DNAH7: variants seen among roughly 807,000 people sequenced by gnomAD.
The protein encoded by DNAH7 is dynein axonemal heavy chain 7, also known as axonemal beta dynein heavy chain 7.
DNAH7 carries 397 observed loss-of-function variants against 444.6 expected under a neutral mutation model. The observed-to-expected ratio is 0.89, with a 90% CI of 0.82 to 0.97. DNAH7 has a LOEUF of 0.97. DNAH7 is among the 50% of genes least tolerant of loss of function. The pLI is 0.00. For synonymous variants in DNAH7, 1,636 were observed against 1,624.4 expected (o/e 1.01, Z -0.17); for missense variants, 4,902 against 4,800.8 (o/e 1.02, Z -0.62).
chr2:195,881,908 CA>C lies in DNAH7; in HGVS notation c.5847del (p.Ile1949MetfsTer13), dbSNP rs1385886438. 7 of 1,613,846 alleles carry C rather than the reference CA, an allele frequency of 4.3e-6. No homozygotes were observed. The African/African-American group carries it at 9.3e-5, about 22-fold the overall frequency. On this transcript the variant is annotated frameshift_variant, in exon 36 of 65. Coordinates refer to ENST00000312428, the MANE Select transcript of DNAH7 (RefSeq NM_018897.3). LOFTEE classifies it high-confidence loss of function. ...IPKDVMFNEI[I>X]VPTLDTIRYS... ...TATCGAATTGTGTCCAGAGTTGGCA[CA>C]ATGATTTCATTAAACATTACATCTT...
At chr2:195,895,502 C>T (rs954558824) in intron 29 of DNAH7, among the ~76,000 whole-genome samples, 4 of 152,236 alleles carry the variant, frequency 2.6e-5, no homozygotes, top group East Asian at 1.9e-4. Flanking sequence ...TGCAGTGGCA[C>T]GATCATGGCT....
intron 48 of DNAH7, among the ~76,000 whole-genome samples, chr2:195,826,400 T>C (rs1418525157): frequency 6.6e-6 from 1 of 152,188 alleles, no homozygotes; most frequent in African/African-American, 2.4e-5. Context: ...GCAGATGAAA[T>C]AGGACAGGCA....
intron 40 of DNAH7, among the ~76,000 whole-genome samples, chr2:195,868,166 G>A (rs1490690999): frequency 1.4e-5 from 2 of 147,384 alleles, no homozygotes; most frequent in Non-Finnish European, 3.0e-5. Context: ...TGCGATCTCG[G>A]CTCACTGCAA....
intron 47 of DNAH7, among the ~76,000 whole-genome samples, chr2:195,843,830 T>C (rs1354299999): frequency 6.6e-6 from 1 of 152,086 alleles, no homozygotes; most frequent in Non-Finnish European, 1.5e-5. Flanking sequence ...GGCGCAGTGG[T>C]TTAGGCCTGT....
chr2:196,007,750 C>T (rs1694470505), intron 10 of DNAH7, among the ~76,000 whole-genome samples: 1 of 152,150 alleles, frequency 6.6e-6, no homozygotes, highest in African/African-American at 2.4e-5. Context: ...TAGGACCGGG[C>T]TTTGCTCCTC....
chr2:195,934,105 A>C (rs1403739641), intron 21 of DNAH7, among the ~76,000 whole-genome samples: 1 of 152,142 alleles, frequency 6.6e-6, no homozygotes, highest in Non-Finnish European at 1.5e-5. Context: ...GATTGAGCTC[A>C]CAGTATGTTT....
rs759200194 is a variant in DNAH7 at position 195,872,472 on chromosome 2, T to TA, written c.6414-4dup. On this transcript the variant is annotated splice_region_variant and splice_polypyrimidine_tract_variant and intron_variant, in intron 39 of 64. Transcript: ENST00000312428. ...GAAATTCATCTGGAAATTTATAACT[T>TA]AAAAATTTTTTAAATAAAAAGAAAG... 6.4e-7 allele frequency: 1 copy of TA among 1,565,858 alleles called. No homozygotes were observed. Among genetic ancestry groups the TA allele is most frequent in the African/African-American group, 1.4e-5 (1 of 73,060 alleles).
intron 9 of DNAH7, 53 bp downstream of exon 9, chr2:196,019,117 A>G (rs771895693): frequency 1.5e-4 from 200 of 1,370,044 alleles, no homozygotes; most frequent in Non-Finnish European, 1.8e-4. Context: ...AAGATATAGT[A>G]AAACAACTTC....
chr2:195,740,334 C>T (rs577367078), intron 64 of DNAH7, among the ~76,000 whole-genome samples: 1 of 152,230 alleles, frequency 6.6e-6, no homozygotes, highest in African/African-American at 2.4e-5. Flanking sequence ...AATATTAGCT[C>T]ATGCCTCAAC....
rs931417473 is a variant in DNAH7 at position 195,987,109 on chromosome 2, G to A, written c.1711C>T (p.Leu571Phe). ...TGATCTCTGAACATTTTAGCTAGAA[G>A]TTTCCCACAAATAATATCTGCTCGC... is the stretch of plus-strand genomic sequence containing the variant. ...VKRADIICGK[L>F]LAKMFRDHQE... Residue 571 changes from leucine (L) to phenylalanine (F), a missense_variant, in exon 14 of 65, where the codon CTT (leucine) becomes TTT (phenylalanine). Coordinates refer to ENST00000312428, the MANE Select transcript of DNAH7 (RefSeq NM_018897.3). 1 of 1,608,102 alleles carries A rather than the reference G, an allele frequency of 6.2e-7. No individual in the cohort carries two copies. The highest frequency in any genetic ancestry group is 8.5e-7 in the Non-Finnish European group (1 of 1,178,250).
chr2:195,940,695 T>A (rs990495802), intron 19 of DNAH7, among the ~76,000 whole-genome samples: 16 of 151,170 alleles, frequency 1.1e-4, no homozygotes, highest in African/African-American at 3.9e-4. Flanking sequence ...ACCAACCCCA[T>A]CAAAAAGTGG....
chr2:195,797,447 GGAA>G (rs1238048170), intron 55 of DNAH7, among the ~76,000 whole-genome samples: 3 of 152,146 alleles, frequency 2.0e-5, no homozygotes, highest in African/African-American at 7.2e-5. Flanking sequence ...TGCTGTTTCT[GGAA>G]GAAGAGGAGA....
At position 195,793,356 on chromosome 2, in the gene DNAH7, G is replaced by A. The variant is rs140485790; in HGVS notation, c.10716+982C>T. 1.1e-3 allele frequency among the ~76,000 whole-genome samples: 163 copies of A among 152,260 alleles called. 2 individuals carry two copies. The highest frequency in any genetic ancestry group is 0.01 in the Middle Eastern group (3 of 294). ...TTTAATGAGACTTTGGTTTTCGTTC[G>A]GGCTGTGTTTCATAAATTCCTGGAC... On this transcript the variant is annotated intron_variant, in intron 57 of 64. Transcript: ENST00000312428.
At chr2:195,740,106 C>T (rs1179148897) in intron 64 of DNAH7, among the ~76,000 whole-genome samples, 2 of 152,140 alleles carry the variant, frequency 1.3e-5, no homozygotes, top group Non-Finnish European at 2.9e-5. Flanking sequence ...GCCTCAGCCT[C>T]CCTAGTAGCT....
intron 53 of DNAH7, among the ~76,000 whole-genome samples, chr2:195,807,750 G>A (rs1244558486): frequency 1.3e-5 from 2 of 152,140 alleles, no homozygotes; most frequent in Admixed American, 6.5e-5. Flanking sequence ...AAGCTATGTG[G>A]TATCTCAAAT....
chr2:195,775,998 A>C lies in DNAH7; in HGVS notation c.11065-15T>G. On this transcript the variant is annotated splice_polypyrimidine_tract_variant and intron_variant, in intron 59 of 64. Transcript: ENST00000312428. The stretch of plus-strand genomic sequence containing the variant: ...TAGCTTTTGTGCTGCAGAGATGAAT[A>C]ACAAGAAGTCAGGAGGTTAGAAATC... 1 of 1,611,924 alleles carries C rather than the reference A, an allele frequency of 6.2e-7. No individual in the cohort carries two copies. The highest frequency in any genetic ancestry group is 8.5e-7 in the Non-Finnish European group (1 of 1,179,436).
chr2:195,919,135 A>C (rs1236106274), intron 24 of DNAH7, among the ~76,000 whole-genome samples: 4 of 151,770 alleles, frequency 2.6e-5, no homozygotes, highest in Admixed American at 2.0e-4. Context: ...CTGTAATCCC[A>C]GCTACTCGGG....
At chr2:195,846,932 G>A (rs79590137) in intron 46 of DNAH7, among the ~76,000 whole-genome samples, 6,143 of 139,380 alleles carry the variant, frequency 0.044, 358 homozygotes, top group East Asian at 0.26. Flanking sequence ...TTAATACTAC[G>A]TAATAAACTC....
In DNAH7 at chr2:195,794,374, G is replaced by A. The variant is rs776711342; in HGVS notation, c.10680C>T (p.Ile3560=). 6.2e-7 allele frequency: 1 copy of A among 1,614,012 alleles called. No homozygotes were observed. Among genetic ancestry groups the A allele is most frequent in the African/African-American group, 1.3e-5 (1 of 74,916 alleles). The change falls in exon 57 of 65, where the codon ATC becomes ATT. Residue 3560 remains isoleucine, a synonymous_variant. Coordinates refer to ENST00000312428, the MANE Select transcript of DNAH7 (RefSeq NM_018897.3). ...AGCTGCCAAAGAACTCCGGATCAGAGATCGGGTCCATGAGGTATGATCGAA... is the reference window on the plus strand; with the variant it reads ...AGCTGCCAAAGAACTCCGGATCAGAAATCGGGTCCATGAGGTATGATCGAA... ...NIIRSYLMDP[I]SDPEFFGSCK...
Sources: gnomAD v4.1 joint callset for allele counts (sites outside exome capture counted in the v4.1 genomes callset) on GRCh38, gnomAD v4.1.1 for gene constraint, MANE v1.5 for transcripts, NCBI Gene and HGNC (gene_info 2026-07-23, HGNC 2026-07-21) for gene names.